The following DCBLD2 variants were observed in gnomAD, a reference collection of about 807,000 sequenced individuals.
DCBLD2 encodes the protein discoidin, CUB and LCCL domain-containing protein 2.
A neutral mutation model predicts 86.8 loss-of-function variants in DCBLD2; 54 were observed. The ratio of observed to expected loss-of-function variants is 0.62; its 90% CI spans 0.50 to 0.78. The LOEUF is 0.78. Among genes scored for constraint, DCBLD2 ranks in the 30% least tolerant of loss-of-function variants. The probability of loss-of-function intolerance (pLI) is 0.00; values close to 1 mark genes in which losing one functional copy is unlikely to be tolerated. For synonymous variants in DCBLD2, 354 were observed against 341.3 expected, an observed-to-expected ratio of 1.04 and a Z score of -0.41; for missense variants, 908 against 954.2, an observed-to-expected ratio of 0.95 and a Z score of 0.64.
chr3:98,899,551 A>C (rs939828619), intron 1 of DCBLD2, among the ~76,000 whole-genome samples: 5 of 152,140 alleles, frequency 3.3e-5, no homozygotes, highest in Non-Finnish European at 7.3e-5. Context: ...CGCCCGGTAG[A>C]CTGGCCTTTT....
chr3:98,871,089 G>T, intron 2 of DCBLD2, among the ~76,000 whole-genome samples: 1 of 150,450 alleles, frequency 6.6e-6, no homozygotes, highest in Admixed American at 6.6e-5. Flanking sequence ...GATTCTGCTT[G>T]GTCATTATTG....
At chr3:98,891,215 GGAGA>G (rs137998675) in intron 1 of DCBLD2, among the ~76,000 whole-genome samples, 13 of 148,722 alleles carry the variant, frequency 8.7e-5, no homozygotes, top group South Asian at 4.3e-4. Context: ...GGAGAGGGAG[GGAGA>G]GAGAGAGAGA....
chr3:98,838,807 G>A (rs1485043917), intron 3 of DCBLD2, among the ~76,000 whole-genome samples: 2 of 152,166 alleles, frequency 1.3e-5, no homozygotes, highest in African/African-American at 2.4e-5. Context: ...CACCTCGGGA[G>A]GCTGAGGTTG....
intron 9 of DCBLD2, 66 bp from the exon 10 acceptor site, chr3:98,812,548 T>A: frequency 6.9e-7 from 1 of 1,447,934 alleles, no homozygotes; most frequent in Non-Finnish European, 9.4e-7. Flanking sequence ...TTTCTCCACT[T>A]AAACATGTTT....
rs1450666568 is a variant in DCBLD2, at chr3:98,796,390, A to G, written c.*2982T>C. ...TAGGGACTTCAAGTTCAGAACCAAA[A>G]AGCAGAGAATCGTTTCATGTGACAT... On this transcript the variant is annotated 3_prime_UTR_variant, in exon 16 of 16. Transcript: ENST00000326840. The G allele has an allele frequency of 2.0e-5, 3 of 152,788 alleles. No individual in the cohort carries two copies. The East Asian group carries it at 5.8e-4, about 29-fold the overall frequency. The allele number at this position is 152,788 out of a possible 1,614,324, so 9.5% of individuals were successfully genotyped here.
chr3:98,836,510 G>A (rs575774649), intron 3 of DCBLD2, among the ~76,000 whole-genome samples: 3 of 151,842 alleles, frequency 2.0e-5, no homozygotes, highest in South Asian at 2.1e-4. Flanking sequence ...CACAGACACC[G>A]CAACCATCCG....
chr3:98,838,688 AG>A (rs1942538391), intron 3 of DCBLD2, among the ~76,000 whole-genome samples: 1 of 152,100 alleles, frequency 6.6e-6, no homozygotes, highest in African/African-American at 2.4e-5. Flanking sequence ...TGGGAGGCCA[AG>A]GCAGGCGGCT....
Position 98,796,447 on chromosome 3 carries a change from G to A in DCBLD2, c.*2925C>T, listed in dbSNP as rs1241415168. The A allele has an allele frequency of 6.6e-6, 1 of 152,614 alleles. No individual in the cohort carries two copies. The highest frequency in any genetic ancestry group is 1.5e-5 in the Non-Finnish European group (1 of 68,044). 9.5% of individuals were successfully genotyped at this position (152,614 alleles called of 1,614,324 possible). On this transcript the variant is annotated 3_prime_UTR_variant, in exon 16 of 16. Coordinates refer to ENST00000326840, the MANE Select transcript of DCBLD2 (RefSeq NM_080927.4). Reference sequence around the variant, plus strand: ...TCTATAGACCTCTTGCTCTCTAGGTGACAATGCAGAGCCAGGGCAAAGGTG... The same window carrying A: ...TCTATAGACCTCTTGCTCTCTAGGTAACAATGCAGAGCCAGGGCAAAGGTG...
At position 98,798,229 on chromosome 3, in the gene DCBLD2, C is replaced by A. The variant is rs934383334; in HGVS notation, c.*1143G>T. 1 of 151,990 alleles carries A rather than the reference C, an allele frequency of 6.6e-6. No individual in the cohort carries two copies. The highest frequency in any genetic ancestry group is 1.5e-5 in the Non-Finnish European group (1 of 67,992). 9.4% of individuals were successfully genotyped at this position (151,990 alleles called of 1,614,324 possible). A position where few individuals can be genotyped will look rare whatever the true frequency, so the allele number is the denominator to read the frequency against. On this transcript the variant is annotated 3_prime_UTR_variant, in exon 16 of 16. Transcript: ENST00000326840. ...CGATCACGCAGTCCTGAAAAATACA[C>A]GTTAGGTTTATATTTTGTGTAACAG...
At chr3:98,845,246 A>C (rs1942699564) in intron 3 of DCBLD2, among the ~76,000 whole-genome samples, 1 of 152,214 alleles carries the variant, frequency 6.6e-6, no homozygotes, top group African/African-American at 2.4e-5. Context: ...CTTTATTAAA[A>C]ATTTAATGAA....
chr3:98,881,520 T>C lies in DCBLD2; in HGVS notation c.433+20A>G. 3 of 1,598,544 alleles carry C rather than the reference T, an allele frequency of 1.9e-6. No individual in the cohort carries two copies. The highest frequency in any genetic ancestry group is 1.7e-6 in the Non-Finnish European group (2 of 1,167,016). On this transcript the variant is annotated intron_variant, in intron 2 of 15. Transcript: ENST00000326840. Reference sequence around the variant, plus strand: ...AGACAATGATGTATTTACATGTACATTTACAAAAAAAAGTCCTACCTATTT... The same window carrying C: ...AGACAATGATGTATTTACATGTACACTTACAAAAAAAAGTCCTACCTATTT...
intron 2 of DCBLD2, among the ~76,000 whole-genome samples, chr3:98,864,261 G>A (rs1279884433): frequency 6.6e-6 from 1 of 152,214 alleles, no homozygotes; most frequent in Non-Finnish European, 1.5e-5. Context: ...TGGTGGGACT[G>A]TAAACTTGTT....
rs1429207315 is a variant in DCBLD2 at position 98,901,359 on chromosome 3, G to A, written c.-33C>T. 6.9e-6 allele frequency: 9 copies of A among 1,307,256 alleles called. No individual in the cohort carries two copies. The highest frequency in any genetic ancestry group is 8.4e-5 in the Admixed American group (2 of 23,872). The allele number at this position is 1,307,256 out of a possible 1,614,324, so 81.0% of individuals were successfully genotyped here. Reference sequence around the variant, plus strand: ...GCCGGCAGTCTGCCTGCATAGTGCGGGTGCCTCGGCAGCCCCGCGCGCCTC... The same window carrying A: ...GCCGGCAGTCTGCCTGCATAGTGCGAGTGCCTCGGCAGCCCCGCGCGCCTC... On this transcript the variant is annotated 5_prime_UTR_variant, in exon 1 of 16. Coordinates refer to ENST00000326840, the MANE Select transcript of DCBLD2 (RefSeq NM_080927.4).
chr3:98,823,573 G>A (rs555427877), intron 4 of DCBLD2, among the ~76,000 whole-genome samples: 4 of 152,304 alleles, frequency 2.6e-5, no homozygotes, highest in East Asian at 1.9e-4. Context: ...TCCTCACTGA[G>A]TTTATATTCC....
Position 98,817,790 on chromosome 3 carries a change from C to A in DCBLD2, c.1191G>T (p.Glu397Asp), listed in dbSNP as rs1287543076. ...DDGQKWTVYREPGVEQDKIFQ... is the reference protein window; with the variant it reads ...DDGQKWTVYRDPGVEQDKIFQ... Reference sequence around the variant, plus strand: ...TTACCTTATCTTGCTCCACACCAGGCTCTCTGTACACAGTCCATTTCTGCC... The same window carrying A: ...TTACCTTATCTTGCTCCACACCAGGATCTCTGTACACAGTCCATTTCTGCC... Residue 397 changes from glutamate (E) to aspartate (D), a missense_variant, in exon 9 of 16, where the codon GAG becomes GAT. Physicochemically the swap from Glu to Asp is conservative, Grantham distance 45. Transcript: ENST00000326840. The A allele has an allele frequency of 2.5e-6, 4 of 1,613,642 alleles. No homozygotes were observed. In the African/African-American group the frequency reaches 5.3e-5, roughly 22 times the overall value.
At chr3:98,862,419 AAG>A (rs1943060557) in intron 2 of DCBLD2, among the ~76,000 whole-genome samples, 1 of 152,224 alleles carries the variant, frequency 6.6e-6, no homozygotes, top group South Asian at 2.1e-4. Flanking sequence ...ACAACAAAAA[AAG>A]AGAATTTTAG....
intron 2 of DCBLD2, among the ~76,000 whole-genome samples, chr3:98,870,038 G>A (rs570840054): frequency 4.6e-5 from 7 of 152,330 alleles, no homozygotes; most frequent in South Asian, 2.1e-4. Context: ...TGATGCAGCC[G>A]CAAGTGCCAC....
chr3:98,830,784 GA>G (rs1182938629), intron 3 of DCBLD2, among the ~76,000 whole-genome samples: 1 of 152,176 alleles, frequency 6.6e-6, no homozygotes, highest in Non-Finnish European at 1.5e-5. Context: ...AATGTCATTG[GA>G]AGTTTGATAA....
At chr3:98,852,155 G>A (rs1942851586) in intron 2 of DCBLD2, among the ~76,000 whole-genome samples, 1 of 151,990 alleles carries the variant, frequency 6.6e-6, no homozygotes, top group South Asian at 2.1e-4. Context: ...TCAAGAGACT[G>A]GTAACTTGTT....
Sources: gnomAD v4.1 joint callset for allele counts (sites outside exome capture counted in the v4.1 genomes callset) on GRCh38, gnomAD v4.1.1 for gene constraint, MANE v1.5 for transcripts, NCBI Gene and HGNC (gene_info 2026-07-23, HGNC 2026-07-21) for gene names.